ANGPT2: variants seen among roughly 807,000 people sequenced by gnomAD.
ANGPT2 encodes angiopoietin-2.
Under a neutral mutation model 62.9 loss-of-function variants are expected in ANGPT2, and 28 were observed. That is an observed-to-expected ratio of 0.44 (90% CI 0.33 to 0.61). The LOEUF is 0.61. Among genes scored for constraint, ANGPT2 ranks in the 20% least tolerant of loss-of-function variants. The pLI is 0.03. For missense variants in ANGPT2, 727 were observed against 594.9 expected (o/e 1.22, Z -2.31); for synonymous variants, 284 against 207.8 (o/e 1.37, Z -3.15).
chr8:6,542,577 A>G (rs937687756), intron 1 of ANGPT2, among the ~76,000 whole-genome samples: 1 of 150,938 alleles, frequency 6.6e-6, no homozygotes, highest in Non-Finnish European at 1.5e-5. Flanking sequence ...TCATCGCTGT[A>G]CTGATATGCC....
chr8:6,528,772 G>T (rs550234634), intron 2 of ANGPT2, among the ~76,000 whole-genome samples: 68 of 152,352 alleles, frequency 4.5e-4, no homozygotes, highest in African/African-American at 1.4e-3. Flanking sequence ...CGGAGACCTT[G>T]AAAGAATCAT....
chr8:6,556,380 G>A (rs3020233), intron 1 of ANGPT2, among the ~76,000 whole-genome samples: 2 of 151,968 alleles, frequency 1.3e-5, no homozygotes, highest in African/African-American at 2.4e-5. Context: ...AGCAACCATT[G>A]AGAAATAGTT....
intron 1 of ANGPT2, among the ~76,000 whole-genome samples, chr8:6,548,953 A>T (rs1027056997): frequency 1.3e-5 from 2 of 152,100 alleles, no homozygotes; most frequent in Non-Finnish European, 2.9e-5. Context: ...ACCTGGGGGG[A>T]ATTATGTTTA....
intron 1 of ANGPT2, among the ~76,000 whole-genome samples, chr8:6,559,912 T>C (rs1044585831): frequency 6.6e-6 from 1 of 152,218 alleles, no homozygotes; most frequent in Admixed American, 6.5e-5. Context: ...CTGTCCTGTA[T>C]TGTTCCATTC....
Position 6,515,118 on chromosome 8 carries a change from A to G in ANGPT2, c.928-340T>C, listed in dbSNP as rs967705191. On this transcript the variant is annotated intron_variant, in intron 5 of 8. Transcript: ENST00000629816. The stretch of plus-strand genomic sequence containing the variant: ...TTTAGAGATTCATTATGAATGGCAC[A>G]TTTTGGCAGATTGGCCCCGAACCCC... Among the ~76,000 whole-genome samples the G allele has an allele frequency of 3.3e-5, 5 of 152,056 alleles. No individual in the cohort carries two copies. The East Asian group carries it at 9.6e-4, about 29-fold the overall frequency.
intron 1 of ANGPT2, among the ~76,000 whole-genome samples, chr8:6,551,949 AAT>A (rs1166514611): frequency 6.6e-6 from 1 of 152,218 alleles, no homozygotes; most frequent in Non-Finnish European, 1.5e-5. Context: ...TACGCAGTCT[AAT>A]AAAACTCTAA....
In ANGPT2 at chr8:6,563,048, C is replaced by A; in HGVS notation, c.-114G>T. The A allele has an allele frequency of 1.7e-6, 2 of 1,199,278 alleles. No homozygotes were observed. The highest frequency in any genetic ancestry group is 2.3e-6 in the Non-Finnish European group (2 of 875,686). 74.3% of individuals were successfully genotyped at this position (1,199,278 alleles called of 1,614,324 possible). On this transcript the variant is annotated 5_prime_UTR_variant, in exon 1 of 9. Transcript: ENST00000629816. ...GCTGCTACGCTGCCATGGCTGGGTC[C>A]GTCAATGAAAGTCTTCTCTTTCCTC...
chr8:6,531,640 C>G (rs575242275), intron 2 of ANGPT2, among the ~76,000 whole-genome samples: 6 of 152,268 alleles, frequency 3.9e-5, no homozygotes, highest in Admixed American at 2.6e-4. Context: ...ATCACTAGCT[C>G]ATAGAATCTC....
rs1052008387 is a variant in ANGPT2 at position 6,513,757 on chromosome 8, G to A, written c.1117C>T (p.His373Tyr). 1 of 1,613,818 alleles carries A rather than the reference G, an allele frequency of 6.2e-7. No individual in the cohort carries two copies. Among genetic ancestry groups the A allele is most frequent in the African/African-American group, 1.3e-5 (1 of 74,914 alleles). ...TNQQRYVLKI[H>Y]LKDWEGNEAY... is the part of the protein sequence containing the mutation. ...TCATTCCCTTCCCAGTCTTTAAGGT[G>A]TATTTTAAGCACATAGCGTTGCTGA... Residue 373 changes from histidine to tyrosine, a missense_variant, in exon 7 of 9, where the codon CAC becomes TAC. Physicochemically the swap from His to Tyr is moderately conservative, Grantham distance 83 (BLOSUM62 2). Transcript: ENST00000629816.
chr8:6,546,460 G>C (rs1210308052), intron 1 of ANGPT2, among the ~76,000 whole-genome samples: 1 of 152,218 alleles, frequency 6.6e-6, no homozygotes, highest in Admixed American at 6.5e-5. Context: ...TCCAAAGTTT[G>C]AGAAGCCAGG....
intron 1 of ANGPT2, 73 bp from the exon 2 acceptor site, chr8:6,532,560 C>G: frequency 1.0e-6 from 1 of 955,818 alleles, no homozygotes; most frequent in East Asian, 2.8e-5. Flanking sequence ...TGTTTGTCGT[C>G]TCCTCCCTAT....
Position 6,527,612 on chromosome 8 carries a change from A to C in ANGPT2, c.509T>G (p.Leu170Trp). 2 of 1,613,922 alleles carry C rather than the reference A, an allele frequency of 1.2e-6. No individual in the cohort carries two copies. Among genetic ancestry groups the C allele is most frequent in the African/African-American group, 2.7e-5 (2 of 75,036 alleles). ...GGTCTGGTCCAAAATCTGTTTTTCC[A>C]ATTTGTTTGTCGAGAGGGAGTGTTC... ...LLEHSLSTNKLEKQILDQTSE... is the reference protein window; with the variant it reads ...LLEHSLSTNKWEKQILDQTSE... Residue 170 changes from leucine (L) to tryptophan (W), a missense_variant, in exon 3 of 9, where the codon TTG becomes TGG. Physicochemically the swap from Leu to Trp is moderately conservative, Grantham distance 61. Transcript: ENST00000629816.
At chr8:6,560,168 T>C (rs1299545125) in intron 1 of ANGPT2, among the ~76,000 whole-genome samples, 2 of 152,232 alleles carry the variant, frequency 1.3e-5, no homozygotes, top group South Asian at 4.1e-4. Context: ...TGGGTTGTTT[T>C]TGAATCTTTC....
intron 8 of ANGPT2, among the ~76,000 whole-genome samples, chr8:6,505,784 A>G (rs1337553267): frequency 7.4e-6 from 1 of 135,758 alleles, no homozygotes; most frequent in East Asian, 2.1e-4. Context: ...TTCTTTATAT[A>G]TGTATATATA....
intron 1 of ANGPT2, among the ~76,000 whole-genome samples, chr8:6,560,992 C>T (rs527649228): frequency 6.6e-6 from 1 of 152,242 alleles, no homozygotes; most frequent in African/African-American, 2.4e-5. Flanking sequence ...TCATGCCTCG[C>T]TGTGACTCTG....
At chr8:6,531,943 G>A (rs1444161420) in intron 2 of ANGPT2, among the ~76,000 whole-genome samples, 1 of 152,172 alleles carries the variant, frequency 6.6e-6, no homozygotes, top group East Asian at 1.9e-4. Context: ...AGAGTTTCTA[G>A]CTCTTTGCCT....
At position 6,501,649 on chromosome 8, in the gene ANGPT2, G is replaced by A. The variant is rs1027666929; in HGVS notation, c.*1452C>T. 6.8e-6 allele frequency: 1 copy of A among 147,792 alleles called. No homozygotes were observed. The highest frequency in any genetic ancestry group is 1.5e-5 in the Non-Finnish European group (1 of 67,596). The allele number at this position is 147,792 out of a possible 1,614,324, so 9.2% of individuals were successfully genotyped here. On this transcript the variant is annotated 3_prime_UTR_variant, in exon 9 of 9. Transcript: ENST00000629816. ...GGCTCACTGCAACCTCTACCTCCCT[G>A]GTGCAAGCAATTCTCCCTGCCTCAG...
intron 1 of ANGPT2, among the ~76,000 whole-genome samples, chr8:6,542,332 ATGTG>A (rs1325229163): frequency 6.6e-6 from 1 of 150,928 alleles, no homozygotes; most frequent in Non-Finnish European, 1.5e-5. Flanking sequence ...GTGTGTATGT[ATGTG>A]TGTGTGTTTC....
Position 6,508,491 on chromosome 8 carries a change from A to T in ANGPT2, c.1327+441T>A, listed in dbSNP as rs141610290. On this transcript the variant is annotated intron_variant, in intron 8 of 8. Transcript: ENST00000629816. ...CTGTGTCTGTAAATAAATAAATAAT[A>T]AATGACAGCTGGAAATTCCTTCTTT... 219 of 198,446 alleles carry T rather than the reference A, an allele frequency of 1.1e-3. 1 individual carries two copies. The highest frequency in any genetic ancestry group is 4.9e-3 in the African/African-American group (212 of 42,882). The allele number at this position is 198,446 out of a possible 1,614,324, so 12.3% of individuals were successfully genotyped here. A position where few individuals can be genotyped will look rare whatever the true frequency, so the allele number is the denominator to read the frequency against.
Sources: gnomAD v4.1 joint callset for allele counts (sites outside exome capture counted in the v4.1 genomes callset) on GRCh38, gnomAD v4.1.1 for gene constraint, MANE v1.5 for transcripts, NCBI Gene and HGNC (gene_info 2026-07-23, HGNC 2026-07-21) for gene names.